Variants in PCDH9 observed in about 807,000 individuals in gnomAD.
The protein encoded by PCDH9 is protocadherin 9.
PCDH9 carries 24 observed loss-of-function variants against 70.6 expected under a neutral mutation model. The observed-to-expected ratio is 0.34, with a 90% CI of 0.25 to 0.48. The LOEUF (loss-of-function observed/expected upper bound fraction) is 0.48. Among genes scored for constraint, PCDH9 ranks in the 20% least tolerant of loss-of-function variants. The pLI is 0.99. For synonymous variants in PCDH9, 562 were observed against 558.5 expected (o/e 1.01, Z -0.09); for missense variants, 1,281 against 1,503.6 (o/e 0.85, Z 2.45).
chr13:66,619,428 A>G (rs916155442), intron 4 of PCDH9, among the ~76,000 whole-genome samples: 2 of 152,166 alleles, frequency 1.3e-5, no homozygotes, highest in African/African-American at 2.4e-5. Flanking sequence ...AGAATTTGAA[A>G]CTAACAATTT....
At chr13:66,523,014 G>A (rs1787825423) in intron 4 of PCDH9, among the ~76,000 whole-genome samples, 1 of 151,998 alleles carries the variant, frequency 6.6e-6, no homozygotes, top group South Asian at 2.1e-4. Context: ...TACAGTCTCT[G>A]AATAGAGCCC....
At chr13:67,034,337 T>C (rs978497145) in intron 2 of PCDH9, among the ~76,000 whole-genome samples, 4 of 152,192 alleles carry the variant, frequency 2.6e-5, no homozygotes, top group African/African-American at 4.8e-5. Context: ...ATCTTAAGTA[T>C]GTATTATACA....
intron 2 of PCDH9, chr13:67,201,935 A>T (rs1555319336): frequency 6.6e-6 from 1 of 152,082 alleles, no homozygotes; most frequent in Non-Finnish European, 1.5e-5. Context: ...ATTATAGTAC[A>T]ACAAGTGAGA....
intron 3 of PCDH9, among the ~76,000 whole-genome samples, chr13:66,828,051 C>A (rs565604173): frequency 6.6e-6 from 1 of 152,116 alleles, no homozygotes; most frequent in East Asian, 1.9e-4. Context: ...ACAAACATAG[C>A]CACTGAGAAA....
chr13:66,717,863 C>T (rs1231731336), intron 3 of PCDH9, among the ~76,000 whole-genome samples: 1 of 152,094 alleles, frequency 6.6e-6, no homozygotes, highest in Non-Finnish European at 1.5e-5. Flanking sequence ...AAATATGTAT[C>T]TATTTATTTA....
intron 2 of PCDH9, chr13:67,223,373 G>C (rs1229448343): frequency 6.6e-6 from 1 of 151,988 alleles, no homozygotes; most frequent in African/African-American, 2.4e-5. Flanking sequence ...ACCACGTATA[G>C]ACAGAAAAAA....
intron 2 of PCDH9, among the ~76,000 whole-genome samples, chr13:67,006,358 G>T (rs983208817): frequency 2.6e-5 from 4 of 152,178 alleles, no homozygotes; most frequent in African/African-American, 9.7e-5. Context: ...TACAAAACCG[G>T]AATAGAAATG....
At chr13:66,580,754 A>G (rs563853074) in intron 4 of PCDH9, among the ~76,000 whole-genome samples, 31 of 152,128 alleles carry the variant, frequency 2.0e-4, no homozygotes, top group African/African-American at 7.5e-4. Flanking sequence ...ATCTTATGAT[A>G]AGCAAATATA....
intron 2 of PCDH9, among the ~76,000 whole-genome samples, chr13:66,929,550 C>T (rs1272383679): frequency 6.6e-6 from 1 of 152,070 alleles, no homozygotes; most frequent in African/African-American, 2.4e-5. Context: ...TCTTGAACTC[C>T]AGACCTCAGG....
chr13:66,685,603 G>A (rs1044370469), intron 3 of PCDH9, among the ~76,000 whole-genome samples: 1 of 152,162 alleles, frequency 6.6e-6, no homozygotes, highest in Non-Finnish European at 1.5e-5. Flanking sequence ...ACCCCAGAAT[G>A]GTAAATCCAC....
intron 4 of PCDH9, among the ~76,000 whole-genome samples, chr13:66,348,449 G>A (rs1252386245): frequency 6.6e-6 from 1 of 151,234 alleles, no homozygotes; most frequent in African/African-American, 2.4e-5. Context: ...CCAGGCTGGA[G>A]TGCAGTGGAG....
At chr13:67,221,672 C>T (rs149797535) in intron 2 of PCDH9, 1 of 152,160 alleles carries the variant, frequency 6.6e-6, no homozygotes, top group African/African-American at 2.4e-5. Context: ...TTTACTTTAA[C>T]ATTTTCATTT....
intron 4 of PCDH9, among the ~76,000 whole-genome samples, chr13:66,588,904 A>AT (rs201590689): frequency 2.6e-5 from 4 of 151,658 alleles, no homozygotes; most frequent in Admixed American, 6.6e-5. Context: ...TAAAAATTTC[A>AT]TTTTTTTACA....
intron 2 of PCDH9, chr13:66,914,812 G>T (rs964964879): frequency 4.6e-5 from 7 of 151,664 alleles, no homozygotes; most frequent in Admixed American, 4.6e-4. Flanking sequence ...ACATCTCACA[G>T]ATATATTCAG....
At chr13:66,402,675 T>C (rs1413694355) in intron 4 of PCDH9, among the ~76,000 whole-genome samples, 1 of 152,158 alleles carries the variant, frequency 6.6e-6, no homozygotes, top group African/African-American at 2.4e-5. Flanking sequence ...ATATGTAATA[T>C]GTTAAATTTA....
At chr13:66,725,346 AC>A (rs2078992692) in intron 3 of PCDH9, among the ~76,000 whole-genome samples, 1 of 152,148 alleles carries the variant, frequency 6.6e-6, no homozygotes, top group Admixed American at 6.5e-5. Flanking sequence ...CCCTGCTTCT[AC>A]CCTAAGCCTG....
In PCDH9 at chr13:66,552,675, G is replaced by A. The variant is rs76342301; in HGVS notation, c.3340+78535C>T. Among the ~76,000 whole-genome samples the A allele has an allele frequency of 1.7e-3, 255 of 152,172 alleles. 11 individuals carry two copies. The East Asian group carries it at 0.038, about 23-fold the overall frequency. ...AGATAATGATTAAATACTTTGGGGG[G>A]AAATCACACATATAAAAATCAACAT... On this transcript the variant is annotated intron_variant, in intron 4 of 4. Coordinates refer to ENST00000377865, the MANE Select transcript of PCDH9 (RefSeq NM_203487.3).
intron 4 of PCDH9, among the ~76,000 whole-genome samples, chr13:66,500,012 C>T (rs1959168324): frequency 6.6e-6 from 1 of 152,202 alleles, no homozygotes; most frequent in Non-Finnish European, 1.5e-5. Context: ...GTACAGCCTG[C>T]AGAAACTGAG....
At chr13:66,334,277 G>A (rs1174273422) in intron 4 of PCDH9, among the ~76,000 whole-genome samples, 2 of 152,046 alleles carry the variant, frequency 1.3e-5, no homozygotes, top group East Asian at 1.9e-4. Context: ...GCATATGAGT[G>A]AGAACATGTG....
Sources: allele counts gnomAD v4.1 joint callset (sites outside exome capture counted in the v4.1 genomes callset), GRCh38; gene constraint gnomAD v4.1.1; transcripts MANE v1.5; gene names NCBI Gene and HGNC (gene_info 2026-07-23, HGNC 2026-07-21).